The following TSBP1 variants were observed in gnomAD, a reference collection of about 807,000 sequenced individuals.
TSBP1 encodes testis expressed basic protein 1.
TSBP1 carries 56 observed loss-of-function variants against 68.8 expected under a neutral mutation model. The observed-to-expected ratio is 0.81, with a 90% confidence interval of 0.66 to 1.02. TSBP1 has a LOEUF of 1.02. TSBP1 is among the 50% of genes least tolerant of loss of function. TSBP1 has a pLI of 0.00. For synonymous variants in TSBP1, 171 were observed against 208.7 expected (o/e 0.82, Z 1.56); for missense variants, 502 against 641.2 (o/e 0.78, Z 2.34).
intron 19 of TSBP1, among the ~76,000 whole-genome samples, chr6:32,310,761 A>ATATATATATATATATAT: frequency 1.4e-5 from 2 of 144,834 alleles, no homozygotes; most frequent in African/African-American, 2.5e-5. Flanking sequence ...ATATATATAT[A>ATATATATATATATATAT]TTTTTAATCT....
rs564255674 is a variant in TSBP1 at position 32,335,272 on chromosome 6, T to G, written c.472+165A>C. Reference sequence around the variant, plus strand: ...TTCAGCTTCATAGTTAATATATTTTTATTGCAGAACCTGGATGAGTCCAAT... The same window carrying G: ...TTCAGCTTCATAGTTAATATATTTTGATTGCAGAACCTGGATGAGTCCAAT... On this transcript the variant is annotated intron_variant, in intron 14 of 22. Coordinates refer to ENST00000612031, the Ensembl canonical transcript of TSBP1. This position sits in a 1 kb window ranked among gnomAD's most constrained non-coding sequence, Gnocchi z 5.5. Among the ~76,000 whole-genome samples the G allele has an allele frequency of 1.3e-5, 2 of 152,210 alleles. No homozygotes were observed. The highest frequency in any genetic ancestry group is 3.9e-4 in the East Asian group (2 of 5,176).
At chr6:32,332,807 G>T (rs1769203083) in intron 14 of TSBP1, among the ~76,000 whole-genome samples, 1 of 151,914 alleles carries the variant, frequency 6.6e-6, no homozygotes, top group Non-Finnish European at 1.5e-5. Flanking sequence ...ATGGGGTCTT[G>T]CTCTGTTGTT....
intron 22 of TSBP1, among the ~76,000 whole-genome samples, chr6:32,298,457 T>G (rs1764934176): frequency 6.6e-6 from 1 of 152,146 alleles, no homozygotes; most frequent in African/African-American, 2.4e-5. Context: ...CACATGCCTG[T>G]AATCCCAGCT....
At chr6:32,346,405 C>CG (rs9281746) in intron 9 of TSBP1, among the ~76,000 whole-genome samples, 62,015 of 149,158 alleles carry the variant, frequency 0.42, 13,791 homozygotes, top group African/African-American at 0.54. Context: ...AATTCCTAAT[C>CG]GGACGTTCCT....
intron 6 of TSBP1, among the ~76,000 whole-genome samples, chr6:32,360,873 TTC>T (rs1281512711): frequency 1.7e-5 from 2 of 120,162 alleles, no homozygotes; most frequent in Non-Finnish European, 2.0e-5. Flanking sequence ...TTTTGTTTTT[TTC>T]TCTCTCTCTT....
chr6:32,311,644 G>A (rs1766412768), intron 19 of TSBP1, among the ~76,000 whole-genome samples: 1 of 152,144 alleles, frequency 6.6e-6, no homozygotes, highest in Admixed American at 6.5e-5. Flanking sequence ...GCAAACAACT[G>A]TAAAGGGCAG....
Position 32,333,280 on chromosome 6 carries a change from G to T in TSBP1, c.473-1226C>A, listed in dbSNP as rs1350105966. On this transcript the variant is annotated intron_variant, in intron 14 of 22. Coordinates refer to ENST00000612031, the Ensembl canonical transcript of TSBP1. This position sits in a 1 kb window ranked among gnomAD's most constrained non-coding sequence, Gnocchi z 4.2. Reference sequence around the variant, plus strand: ...TGGTCTTAGCCTCCCAAAGTGCTGGGATTACTGCACCCAGCCGAAAGCCTG... The same window carrying T: ...TGGTCTTAGCCTCCCAAAGTGCTGGTATTACTGCACCCAGCCGAAAGCCTG... Among the ~76,000 whole-genome samples, 2 of 152,070 alleles carry T rather than the reference G, an allele frequency of 1.3e-5. No individual in the cohort carries two copies. Among genetic ancestry groups the T allele is most frequent in the African/African-American group, 4.8e-5 (2 of 41,392 alleles).
Position 32,336,223 on chromosome 6 carries a change from T to G in TSBP1, c.431-291A>C, listed in dbSNP as rs1488822444. Among the ~76,000 whole-genome samples the G allele has an allele frequency of 3.9e-5, 6 of 152,236 alleles. No homozygotes were observed. Reference sequence around the variant, plus strand: ...CTCTATTTTTCTTCTTACATTTTCTTGCCCCTTGCCCCTAGTTTCCTTAGA... The same window carrying G: ...CTCTATTTTTCTTCTTACATTTTCTGGCCCCTTGCCCCTAGTTTCCTTAGA... On this transcript the variant is annotated intron_variant, in intron 12 of 22. Transcript: ENST00000612031. This position sits in a 1 kb window ranked among gnomAD's most constrained non-coding sequence, Gnocchi z 5.2.
Position 32,349,789 on chromosome 6 carries a change from G to A in TSBP1, c.300C>T (p.Leu100=). 3 of 1,610,342 alleles carry A rather than the reference G, an allele frequency of 1.9e-6. No individual in the cohort carries two copies. The African/African-American group carries it at 4.0e-5, about 21-fold the overall frequency. ...AAATAAAACACATCAAAAGAAGAAT[G>A]AGTTCTGTTTGTCCCAGGGAGAACT... is the stretch of plus-strand genomic sequence containing the variant. The change falls in exon 9 of 23, where the codon CTC becomes CTT. Residue 100 remains leucine, a synonymous_variant. Coordinates refer to ENST00000612031, the Ensembl canonical transcript of TSBP1.
chr6:32,325,921 G>A lies in TSBP1; in HGVS notation c.515-2307C>T. ...CTTTGGTGGCAGCTGTGGTGGTGGTGGATATGGTGGCAGTGAGGATGGCTA... is the reference window on the plus strand; with the variant it reads ...CTTTGGTGGCAGCTGTGGTGGTGGTAGATATGGTGGCAGTGAGGATGGCTA... On this transcript the variant is annotated intron_variant, in intron 16 of 22. Coordinates refer to ENST00000612031, the Ensembl canonical transcript of TSBP1. The surrounding 1 kb of genome is among the most constrained non-coding windows in gnomAD (Gnocchi z 4.4). The A allele has an allele frequency of 6.4e-7, 1 of 1,554,628 alleles. No homozygotes were observed. The highest frequency in any genetic ancestry group is 8.8e-7 in the Non-Finnish European group (1 of 1,140,860).
rs1447645057 is a variant in TSBP1, at chr6:32,357,850, C to G, written c.218-2181G>C. On this transcript the variant is annotated intron_variant, in intron 6 of 22. Coordinates refer to ENST00000612031, the Ensembl canonical transcript of TSBP1. The surrounding 1 kb of genome is among the most constrained non-coding windows in gnomAD (Gnocchi z 4.7). ...TTTAGACATGCTAAGAGTGAGATGC[C>G]TTTCATATATCTTCAGGACACGTGT... Among the ~76,000 whole-genome samples, 1 of 152,114 alleles carries G rather than the reference C, an allele frequency of 6.6e-6. No homozygotes were observed. Among genetic ancestry groups the G allele is most frequent in the East Asian group, 1.9e-4 (1 of 5,194 alleles).
chr6:32,318,607 C>T (rs749775752), intron 18 of TSBP1, among the ~76,000 whole-genome samples: 3 of 152,122 alleles, frequency 2.0e-5, no homozygotes, highest in Non-Finnish European at 4.4e-5. Flanking sequence ...TGTGGATGAA[C>T]CTGGTGAACC....
At chr6:32,371,213 G>A (rs1774386672) in intron 1 of TSBP1, among the ~76,000 whole-genome samples, 1 of 152,058 alleles carries the variant, frequency 6.6e-6, no homozygotes, top group Non-Finnish European at 1.5e-5. Flanking sequence ...ACTCATCGGG[G>A]AGGAAAGGAT....
At position 32,304,372 on chromosome 6, in the gene TSBP1, T is replaced by TCCC. The variant is rs1765585783; in HGVS notation, c.581-1744_581-1743insGGG. ...AAAAATAAAATAAAACAAATCAGTT[T>TCCC]TTTTTTAAATTATGTATTGAGTTCC... On this transcript the variant is annotated intron_variant, in intron 19 of 22. Transcript: ENST00000612031. The surrounding 1 kb of genome is among the most constrained non-coding windows in gnomAD (Gnocchi z 4.8). 6.6e-6 allele frequency among the ~76,000 whole-genome samples: 1 copy of TCCC among 152,024 alleles called. No individual in the cohort carries two copies. Among genetic ancestry groups the TCCC allele is most frequent in the South Asian group, 2.1e-4 (1 of 4,826 alleles).
At chr6:32,332,512 C>T (rs1014761097) in intron 14 of TSBP1, among the ~76,000 whole-genome samples, 5 of 152,194 alleles carry the variant, frequency 3.3e-5, no homozygotes, top group African/African-American at 1.2e-4. Context: ...CTCACAGCTT[C>T]CAGCTTATTG....
At chr6:32,360,281 T>C (rs1772848675) in intron 6 of TSBP1, among the ~76,000 whole-genome samples, 1 of 152,188 alleles carries the variant, frequency 6.6e-6, no homozygotes, top group African/African-American at 2.4e-5. Flanking sequence ...TTTGTCTTTC[T>C]ATGCGTGGCT....
rs886494403 is a variant in TSBP1, at chr6:32,304,974, A to G, written c.581-2345T>C. On this transcript the variant is annotated intron_variant, in intron 19 of 22. Transcript: ENST00000612031. The surrounding 1 kb of genome is among the most constrained non-coding windows in gnomAD (Gnocchi z 4.8). The stretch of plus-strand genomic sequence containing the variant: ...TAGATTTCCATTACTAAGTTTACTT[A>G]CTCTTTGCCTTACTGTGGCAGGGCA... Among the ~76,000 whole-genome samples, 2 of 151,990 alleles carry G rather than the reference A, an allele frequency of 1.3e-5. No individual in the cohort carries two copies. Among genetic ancestry groups the G allele is most frequent in the Non-Finnish European group, 2.9e-5 (2 of 67,996 alleles).
rs944778466 is a variant in TSBP1, at chr6:32,316,862, G to A, written c.560-1070C>T. ...ACCTGTAATCCCAGCACTTTGGGAG[G>A]TCGAGGCAGGCGGATCACGAGGTCA... On this transcript the variant is annotated intron_variant, in intron 18 of 22. Coordinates refer to ENST00000612031, the Ensembl canonical transcript of TSBP1. The surrounding 1 kb of genome is among the most constrained non-coding windows in gnomAD (Gnocchi z 4.5). Among the ~76,000 whole-genome samples the A allele has an allele frequency of 2.0e-5, 3 of 152,004 alleles. No individual in the cohort carries two copies. Among genetic ancestry groups the A allele is most frequent in the Admixed American group, 6.6e-5 (1 of 15,266 alleles).
At position 32,336,175 on chromosome 6, in the gene TSBP1, C is replaced by T. The variant is rs1037325930; in HGVS notation, c.431-243G>A. ...AATCTTCAGAGGGTTGGGAAAGACT[C>T]ACTCCATATTAATCTGTTATGCCTC... On this transcript the variant is annotated intron_variant, in intron 12 of 22. Coordinates refer to ENST00000612031, the Ensembl canonical transcript of TSBP1. This position sits in a 1 kb window ranked among gnomAD's most constrained non-coding sequence, Gnocchi z 5.2. Among the ~76,000 whole-genome samples, 2 of 152,208 alleles carry T rather than the reference C, an allele frequency of 1.3e-5. No homozygotes were observed. Among genetic ancestry groups the T allele is most frequent in the African/African-American group, 4.8e-5 (2 of 41,454 alleles).
Sources: gnomAD v4.1 joint callset for allele counts (sites outside exome capture counted in the v4.1 genomes callset) on GRCh38, gnomAD v4.1.1 for gene constraint, Gnocchi (gnomAD v3.1) non-coding constraint, MANE v1.5 for transcripts, NCBI Gene and HGNC (gene_info 2026-07-23, HGNC 2026-07-21) for gene names.